Variants in TMEM201 observed in about 807,000 individuals in gnomAD.
TMEM201 encodes the protein RP13-15M17.2.
A neutral mutation model predicts 63.4 loss-of-function variants in TMEM201; 26 were observed. The ratio of observed to expected loss-of-function variants is 0.41; its 90% CI spans 0.30 to 0.57. The LOEUF (loss-of-function observed/expected upper bound fraction) is 0.57, where lower values mean the gene tolerates loss of function less well. TMEM201 is among the 20% of genes least tolerant of loss of function. The probability of loss-of-function intolerance (pLI) is 0.29; values close to 1 mark genes in which losing one functional copy is unlikely to be tolerated. For synonymous variants in TMEM201, 417 were observed against 421.6 expected (o/e 0.99, Z 0.14); for missense variants, 794 against 917.7 (o/e 0.87, Z 1.74).
rs1352298914 is a variant in TMEM201 at position 9,593,237 on chromosome 1, C to T, written c.114-2653C>T. ...CCCCCACCTGCGTGGGGACCTCGTC[C>T]GAGCTGTGGACAGTGTTTCACATGT... On this transcript the variant is annotated intron_variant, in intron 1 of 10. Coordinates refer to ENST00000340381, the MANE Select transcript of TMEM201 (RefSeq NM_001130924.3). Among the ~76,000 whole-genome samples, 7 of 152,220 alleles carry T rather than the reference C, an allele frequency of 4.6e-5. No homozygotes were observed. In the East Asian group the frequency reaches 7.7e-4, roughly 17 times the overall value.
chr1:9,610,306 ATC>A lies in TMEM201; in HGVS notation c.1466-195_1466-194del, dbSNP rs1358739728. Among the ~76,000 whole-genome samples the A allele has an allele frequency of 6.6e-6, 1 of 151,860 alleles. No individual in the cohort carries two copies. Among genetic ancestry groups the A allele is most frequent in the African/African-American group, 2.4e-5 (1 of 41,336 alleles). The stretch of plus-strand genomic sequence containing the variant: ...AGAAGGCCATGGCTGAGGCTCCGGG[ATC>A]TCTCCTCTCCCTCAGGTGCCTGGTA... On this transcript the variant is annotated intron_variant, in intron 8 of 10. Coordinates refer to ENST00000340381, the MANE Select transcript of TMEM201 (RefSeq NM_001130924.3). This position sits in a 1 kb window ranked among gnomAD's most constrained non-coding sequence, Gnocchi z 4.9.
rs796445602 is a variant in TMEM201 at position 9,602,974 on chromosome 1, G to A, written c.1160+702G>A. On this transcript the variant is annotated intron_variant, in intron 6 of 10. Transcript: ENST00000340381. The stretch of plus-strand genomic sequence containing the variant: ...AGAGTGCAGTTCTTGGGCCCAGCCT[G>A]GCCTTCGCCATGAGTTTGGGGAGCG... 19 of 985,572 alleles carry A rather than the reference G, an allele frequency of 1.9e-5. No homozygotes were observed. The African/African-American group carries it at 3.0e-4, about 15-fold the overall frequency. The allele number at this position is 985,572 out of a possible 1,614,324, so 61.1% of individuals were successfully genotyped here.
intron 1 of TMEM201, among the ~76,000 whole-genome samples, chr1:9,593,859 C>T (rs1397676990): frequency 6.6e-6 from 1 of 152,206 alleles, no homozygotes; most frequent in Non-Finnish European, 1.5e-5. Context: ...CAGGTCTTCA[C>T]CCATCAGGAC....
intron 6 of TMEM201, chr1:9,606,576 T>A (rs1557560205): frequency 6.6e-6 from 1 of 152,268 alleles, no homozygotes; most frequent in Non-Finnish European, 1.5e-5. Context: ...CTGCAGGGCG[T>A]GGGCCAGCCT....
rs1644203356 is a variant in TMEM201 at position 9,604,288 on chromosome 1, T to C, written c.1160+2016T>C. The C allele has an allele frequency of 1.0e-6, 1 of 985,290 alleles. No homozygotes were observed. The highest frequency in any genetic ancestry group is 1.7e-5 in the African/African-American group (1 of 57,232). 61.0% of individuals were successfully genotyped at this position (985,290 alleles called of 1,614,324 possible). A position where few individuals can be genotyped will look rare whatever the true frequency, so the allele number is the denominator to read the frequency against. ...GAGCCAGCCCTCGCGCTGGCCAGGA[T>C]CCTCCTGCCGAGCTGATGTCGCTCC... On this transcript the variant is annotated intron_variant, in intron 6 of 10. Transcript: ENST00000340381. This position sits in a 1 kb window ranked among gnomAD's most constrained non-coding sequence, Gnocchi z 4.1.
At position 9,598,495 on chromosome 1, in the gene TMEM201, A is replaced by G. The variant is rs1227664720; in HGVS notation, c.476A>G (p.Gln159Arg). Residue 159 changes from glutamine to arginine, a missense_variant, in exon 4 of 11, where the codon CAG becomes CGG. Coordinates refer to ENST00000340381, the MANE Select transcript of TMEM201 (RefSeq NM_001130924.3). ...EVEVYRHHLEQMYKLCRPCQA... is the reference protein window; with the variant it reads ...EVEVYRHHLERMYKLCRPCQA... Reference sequence around the variant, plus strand: ...GAGGTGTACCGGCATCACCTGGAGCAGATGTACAAGCTGTGCCGGCCGTGC... The same window carrying G: ...GAGGTGTACCGGCATCACCTGGAGCGGATGTACAAGCTGTGCCGGCCGTGC... 7 of 1,613,872 alleles carry G rather than the reference A, an allele frequency of 4.3e-6. No homozygotes were observed. The highest frequency in any genetic ancestry group is 5.9e-6 in the Non-Finnish European group (7 of 1,180,024).
In TMEM201 at chr1:9,604,372, A is replaced by T; in HGVS notation, c.1160+2100A>T. 2 of 985,374 alleles carry T rather than the reference A, an allele frequency of 2.0e-6. No individual in the cohort carries two copies. Among genetic ancestry groups the T allele is most frequent in the Non-Finnish European group, 2.4e-6 (2 of 829,930 alleles). The allele number at this position is 985,374 out of a possible 1,614,324, so 61.0% of individuals were successfully genotyped here. On this transcript the variant is annotated intron_variant, in intron 6 of 10. Transcript: ENST00000340381. The surrounding 1 kb of genome is among the most constrained non-coding windows in gnomAD (Gnocchi z 4.1). Reference sequence around the variant, plus strand: ...GGAGGTAGCTCTCAGCAGAGTGAGGATTCCTGCCTTTCGTAGAGTTTTGTG... The same window carrying T: ...GGAGGTAGCTCTCAGCAGAGTGAGGTTTCCTGCCTTTCGTAGAGTTTTGTG...
chr1:9,595,800 T>TC, intron 1 of TMEM201, 90 bp from the exon 2 acceptor site: 6 of 1,579,482 alleles, frequency 3.8e-6, no homozygotes, highest in Non-Finnish European at 5.2e-6. Flanking sequence ...CAGCACCCTT[T>TC]CCCTGGTGGC....
chr1:9,611,795 G>A lies in TMEM201; in HGVS notation c.1808G>A (p.Arg603His), dbSNP rs202154682. 2.9e-5 allele frequency: 45 copies of A among 1,551,076 alleles called. No individual in the cohort carries two copies. In the Admixed American group the frequency reaches 3.1e-4, roughly 11 times the overall value. Residue 603 changes from arginine (R) to histidine (H), a missense_variant, in exon 10 of 11, where the codon CGC becomes CAC. Arg to His is a conservative substitution (Grantham distance 29). Transcript: ENST00000340381. ...KLERGSACSN[R>H]SIKKEDDSSQ... The stretch of plus-strand genomic sequence containing the variant: ...GAAAGAGGCAGTGCCTGCAGCAACC[G>A]CTCCATCAAGAAAGAGGACGACTCT...
rs938497639 is a variant in TMEM201 at position 9,605,097 on chromosome 1, C to T, written c.1161-2460C>T. Reference sequence around the variant, plus strand: ...AGCCAGTGACAATGACACCAGCTGGCTCGGGGCCCGGCTCGCCTCCTCGCC... The same window carrying T: ...AGCCAGTGACAATGACACCAGCTGGTTCGGGGCCCGGCTCGCCTCCTCGCC... On this transcript the variant is annotated intron_variant, in intron 6 of 10. Transcript: ENST00000340381. This position sits in a 1 kb window ranked among gnomAD's most constrained non-coding sequence, Gnocchi z 5.7. 6.1e-5 allele frequency: 52 copies of T among 853,504 alleles called. No homozygotes were observed. The highest frequency in any genetic ancestry group is 7.2e-5 in the Non-Finnish European group (51 of 709,658). The allele number at this position is 853,504 out of a possible 1,614,324, so 52.9% of individuals were successfully genotyped here.
At chr1:9,611,146 C>T (rs1322227309) in intron 9 of TMEM201, 1 of 1,085,632 alleles carries the variant, frequency 9.2e-7, no homozygotes, top group Non-Finnish European at 1.3e-6. Flanking sequence ...TATAGTTAGC[C>T]CCCAGCCTTT....
At chr1:9,606,046 T>A (rs750557989) in intron 6 of TMEM201, among the ~76,000 whole-genome samples, 6 of 152,240 alleles carry the variant, frequency 3.9e-5, no homozygotes, top group Non-Finnish European at 8.8e-5. Flanking sequence ...TGGAGGGTCA[T>A]GCCCCAAGGT....
Position 9,605,106 on chromosome 1 carries a change from C to T in TMEM201, c.1161-2451C>T, listed in dbSNP as rs1569948819. 1.1e-5 allele frequency: 8 copies of T among 730,816 alleles called. No homozygotes were observed. Among genetic ancestry groups the T allele is most frequent in the East Asian group, 1.3e-4 (1 of 7,570 alleles). 45.3% of individuals were successfully genotyped at this position (730,816 alleles called of 1,614,324 possible). On this transcript the variant is annotated intron_variant, in intron 6 of 10. Coordinates refer to ENST00000340381, the MANE Select transcript of TMEM201 (RefSeq NM_001130924.3). This position sits in a 1 kb window ranked among gnomAD's most constrained non-coding sequence, Gnocchi z 5.7. ...CAATGACACCAGCTGGCTCGGGGCC[C>T]GGCTCGCCTCCTCGCCTTTGCTGGA...
chr1:9,606,234 G>GGGAATCACA (rs1174705117), intron 6 of TMEM201: 2 of 152,304 alleles, frequency 1.3e-5, no homozygotes, highest in Non-Finnish European at 2.9e-5. Flanking sequence ...CGCTGGGCCT[G>GGGAATCACA]GGAATCACAG....
At chr1:9,589,974 C>G (rs1439005176) in intron 1 of TMEM201, among the ~76,000 whole-genome samples, 1 of 152,226 alleles carries the variant, frequency 6.6e-6, no homozygotes, top group African/African-American at 2.4e-5. Flanking sequence ...GATCGTCTGG[C>G]TGGTCTGTTT....
chr1:9,612,952 C>T (rs1250056247), intron 10 of TMEM201, 34 bp from the exon 11 acceptor site: 3 of 1,545,936 alleles, frequency 1.9e-6, no homozygotes. Context: ...CCCACCCACC[C>T]AAACAATGTT....
At chr1:9,612,557 A>G (rs1170331610) in intron 10 of TMEM201, among the ~76,000 whole-genome samples, 2 of 152,250 alleles carry the variant, frequency 1.3e-5, no homozygotes, top group African/African-American at 4.8e-5. Context: ...AGGGTGGCCC[A>G]GCAGCTTGGA....
intron 1 of TMEM201, among the ~76,000 whole-genome samples, chr1:9,590,502 T>C (rs1213275423): frequency 6.6e-6 from 1 of 152,180 alleles, no homozygotes. Flanking sequence ...GGTGGCTCAC[T>C]GTGCCACACA....
chr1:9,611,936 G>A (rs1333821542), intron 10 of TMEM201, 46 bp downstream of exon 10: 11 of 1,495,002 alleles, frequency 7.4e-6, no homozygotes, highest in African/African-American at 2.8e-5. Context: ...GCACACATCC[G>A]AAGCCACCAT....
Sources: gnomAD v4.1 joint callset for allele counts (sites outside exome capture counted in the v4.1 genomes callset) on GRCh38, gnomAD v4.1.1 for gene constraint, Gnocchi (gnomAD v3.1) non-coding constraint, MANE v1.5 for transcripts, NCBI Gene and HGNC (gene_info 2026-07-23, HGNC 2026-07-21) for gene names.